Variants in ESRRG observed in about 807,000 individuals in gnomAD.
ESRRG encodes estrogen-related receptor gamma.
A neutral mutation model predicts 44.0 loss-of-function variants in ESRRG; 13 were observed. That is an observed-to-expected ratio of 0.30 (90% CI 0.19 to 0.47). The LOEUF is 0.47. ESRRG is among the 20% of genes least tolerant of loss of function. ESRRG has a pLI of 1.00. For missense variants in ESRRG, 395 were observed against 580.6 expected, an observed-to-expected ratio of 0.68 and a Z score of 3.29; for synonymous variants, 215 against 214.6, an observed-to-expected ratio of 1.00 and a Z score of -0.02.
At chr1:216,802,207 G>A (rs564269781) in intron 2 of ESRRG, among the ~76,000 whole-genome samples, 1 of 152,150 alleles carries the variant, frequency 6.6e-6, no homozygotes, top group East Asian at 1.9e-4. Context: ...AGGAAGTGTG[G>A]AAATTGAGCC....
intron 5 of ESRRG, among the ~76,000 whole-genome samples, chr1:216,544,733 CTGTT>C (rs1445811526): frequency 7.2e-6 from 1 of 139,454 alleles, no homozygotes. Flanking sequence ...AGAAAAAACA[CTGTT>C]TGTTTTGTTT....
intron 2 of ESRRG, among the ~76,000 whole-genome samples, chr1:216,858,672 C>G (rs975653073): frequency 1.3e-5 from 2 of 152,204 alleles, no homozygotes; most frequent in Non-Finnish European, 2.9e-5. Flanking sequence ...CAGGGATGAT[C>G]GTTCTCTGAT....
intron 2 of ESRRG, among the ~76,000 whole-genome samples, chr1:216,922,895 A>C (rs10779285): frequency 0.49 from 75,175 of 151,994 alleles, 18,976 homozygotes; most frequent in Middle Eastern, 0.58. Flanking sequence ...GTCTTCCCTA[A>C]GCCTCCACTC....
intron 6 of ESRRG, among the ~76,000 whole-genome samples, chr1:216,515,698 C>T (rs1160693469): frequency 2.0e-5 from 3 of 152,042 alleles, no homozygotes; most frequent in Non-Finnish European, 4.4e-5. Context: ...ATGGATTGGA[C>T]TCACCTGGCT....
intron 2 of ESRRG, among the ~76,000 whole-genome samples, chr1:216,919,784 G>T (rs2061604911): frequency 6.6e-6 from 1 of 152,006 alleles, no homozygotes; most frequent in East Asian, 1.9e-4. Flanking sequence ...CTTTTGCTTG[G>T]GTCCGTCCCA....
intron 1 of ESRRG, among the ~76,000 whole-genome samples, chr1:217,021,075 C>T (rs1461568060): frequency 2.6e-5 from 4 of 151,350 alleles, no homozygotes; most frequent in African/African-American, 7.3e-5. Context: ...CACACACACA[C>T]ATACACACAG....
At chr1:216,780,582 C>T (rs1453636830) in intron 2 of ESRRG, among the ~76,000 whole-genome samples, 1 of 152,002 alleles carries the variant, frequency 6.6e-6, no homozygotes. Context: ...TCAATATCTT[C>T]ATGTTATCAA....
chr1:217,001,680 G>A (rs968145174), intron 1 of ESRRG, among the ~76,000 whole-genome samples: 4 of 152,174 alleles, frequency 2.6e-5, no homozygotes, highest in Non-Finnish European at 5.9e-5. Flanking sequence ...AAGAGGCCAA[G>A]GTGGCTGGGG....
chr1:216,723,346 T>C lies in ESRRG; in HGVS notation c.-47A>G, dbSNP rs755967379. ...TGTGCACCCCAGCTATAAATCAAAG[T>C]TTCCTTGACAGAGCACAGTGCAATT... On this transcript the variant is annotated 5_prime_UTR_variant, in exon 1 of 7. Coordinates refer to ENST00000408911, the MANE Select transcript of ESRRG (RefSeq NM_001438.4). 7 of 1,584,602 alleles carry C rather than the reference T, an allele frequency of 4.4e-6. No homozygotes were observed. In the East Asian group the frequency reaches 1.1e-4, roughly 25 times the overall value.
intron 3 of ESRRG, among the ~76,000 whole-genome samples, chr1:216,572,919 C>A (rs1558576638): frequency 6.6e-6 from 1 of 151,798 alleles, no homozygotes. Flanking sequence ...GTAATAAATG[C>A]AAATAACATG....
chr1:216,914,564 T>C (rs1560094227), intron 2 of ESRRG, among the ~76,000 whole-genome samples: 1 of 152,204 alleles, frequency 6.6e-6, no homozygotes, highest in Non-Finnish European at 1.5e-5. Context: ...CATGTAAACA[T>C]GTCCAATTGT....
intron 3 of ESRRG, among the ~76,000 whole-genome samples, chr1:216,627,697 C>A (rs944346545): frequency 6.6e-6 from 1 of 152,100 alleles, no homozygotes; most frequent in Non-Finnish European, 1.5e-5. Flanking sequence ...AACGGCTACT[C>A]CATCAAGAAA....
At chr1:216,521,712 T>C (rs2046131390) in intron 5 of ESRRG, among the ~76,000 whole-genome samples, 1 of 152,162 alleles carries the variant, frequency 6.6e-6, no homozygotes, top group South Asian at 2.1e-4. Context: ...GATTAGTTTA[T>C]TGAGTGGAAG....
intron 1 of ESRRG, among the ~76,000 whole-genome samples, chr1:216,678,650 T>C (rs576392352): frequency 6.7e-4 from 102 of 152,326 alleles, no homozygotes; most frequent in Non-Finnish European, 1.2e-3. Flanking sequence ...TTGGTCCTAT[T>C]TTCTTTTCAT....
At chr1:216,522,625 A>G (rs986542637) in intron 5 of ESRRG, among the ~76,000 whole-genome samples, 24 of 152,244 alleles carry the variant, frequency 1.6e-4, no homozygotes, top group African/African-American at 5.5e-4. Flanking sequence ...GACCAAATAC[A>G]TAATAGAAAT....
rs569726235 is a variant in ESRRG, at chr1:216,832,824, A to G, written c.-14+106758T>C. On this transcript the variant is annotated intron_variant, in intron 2 of 7. Coordinates refer to the ESRRG transcript ENST00000359162. ...ACTAAAAATACAAAAATAAACACAA[A>G]AGTTAGCCAGATGTAGTGATGTGTG... Among the ~76,000 whole-genome samples the G allele has an allele frequency of 1.3e-4, 19 of 151,990 alleles. 1 individual carries two copies. The highest frequency in any genetic ancestry group is 3.6e-4 in the African/African-American group (15 of 41,452).
chr1:216,761,750 T>C (rs978081007), intron 2 of ESRRG, among the ~76,000 whole-genome samples: 5 of 152,168 alleles, frequency 3.3e-5, no homozygotes, highest in Non-Finnish European at 4.4e-5. Flanking sequence ...CCTTAATACT[T>C]GTCAAGTAAT....
At chr1:216,710,833 T>C (rs2151965722) in intron 1 of ESRRG, among the ~76,000 whole-genome samples, 1 of 152,158 alleles carries the variant, frequency 6.6e-6, no homozygotes, top group East Asian at 1.9e-4. Context: ...ATGATTTCTT[T>C]TTTGATCTTA....
chr1:216,891,991 G>C (rs12023235), intron 2 of ESRRG, among the ~76,000 whole-genome samples: 17 of 151,912 alleles, frequency 1.1e-4, no homozygotes, highest in African/African-American at 4.1e-4. Flanking sequence ...ACTTTTAGTA[G>C]AGACGGAGTT....
Sources: allele counts gnomAD v4.1 joint callset (sites outside exome capture counted in the v4.1 genomes callset), GRCh38; gene constraint gnomAD v4.1.1; transcripts MANE v1.5; gene names NCBI Gene and HGNC (gene_info 2026-07-23, HGNC 2026-07-21).